The following GPD1L variants were observed in gnomAD, a reference collection of about 807,000 sequenced individuals.
The protein encoded by GPD1L is glycerol-3-phosphate dehydrogenase 1-like protein.
A neutral mutation model predicts 32.9 loss-of-function variants in GPD1L; 17 were observed. That is an observed-to-expected ratio of 0.52 (90% confidence interval 0.35 to 0.78). GPD1L has a LOEUF of 0.78. Among genes scored for constraint, GPD1L ranks in the 30% least tolerant of loss-of-function variants. GPD1L has a pLI of 0.01. For synonymous variants in GPD1L, 187 were observed against 165.9 expected (o/e 1.13, Z -0.98); for missense variants, 361 against 447.8 (o/e 0.81, Z 1.75).
At chr3:32,128,008 T>G in intron 1 of GPD1L, 68 bp from the exon 2 acceptor site, 1 of 1,115,108 alleles carries the variant, frequency 9.0e-7, no homozygotes, top group Non-Finnish European at 1.4e-6. Context: ...TTCTGAATTT[T>G]AATCAAACGC....
Position 32,159,110 on chromosome 3 carries a change from G to GTA in GPD1L, c.852+2_852+3dup. The GTA allele has an allele frequency of 6.2e-7, 1 of 1,611,062 alleles. No individual in the cohort carries two copies. Among genetic ancestry groups the GTA allele is most frequent in the Non-Finnish European group, 8.5e-7 (1 of 1,177,750 alleles). On this transcript the variant is annotated splice_donor_variant, in intron 6 of 7. Transcript: ENST00000282541. LOFTEE classifies it high-confidence loss of function. ...CGAGGCCTTCGCCAGAACTGGGAAG[G>GTA]TAGCCCCTCACCTGCTCTCCCGCAC...
At chr3:32,127,967 C>G (rs776180187) in intron 1 of GPD1L, 109 bp from the exon 2 acceptor site, 12 of 794,248 alleles carry the variant, frequency 1.5e-5, no homozygotes, top group Non-Finnish European at 2.2e-6. Context: ...TGAGTAGGCT[C>G]AGTGTTTGAA....
At chr3:32,148,240 G>T (rs1700860833) in intron 5 of GPD1L, among the ~76,000 whole-genome samples, 1 of 152,230 alleles carries the variant, frequency 6.6e-6, no homozygotes, top group Admixed American at 6.5e-5. Context: ...ACCCTGCCCA[G>T]AGCAAAGAGT....
chr3:32,131,187 T>C (rs1700582555), intron 2 of GPD1L, among the ~76,000 whole-genome samples: 1 of 152,216 alleles, frequency 6.6e-6, no homozygotes, highest in Non-Finnish European at 1.5e-5. Flanking sequence ...GACACCAGGA[T>C]TTAGATTCCA....
intron 1 of GPD1L, among the ~76,000 whole-genome samples, chr3:32,115,020 G>A (rs1222570776): frequency 6.6e-6 from 1 of 152,244 alleles, no homozygotes; most frequent in African/African-American, 2.4e-5. Flanking sequence ...AAGAGCGAAA[G>A]AACAAAGCAT....
At chr3:32,132,775 G>A (rs899575627) in intron 2 of GPD1L, among the ~76,000 whole-genome samples, 2 of 152,162 alleles carry the variant, frequency 1.3e-5, no homozygotes, top group African/African-American at 2.4e-5. Context: ...CATGCTTTGG[G>A]AACCATGGGG....
chr3:32,159,724 T>C lies in GPD1L; in HGVS notation c.959+50T>C, dbSNP rs567472303. The C allele has an allele frequency of 1.1e-5, 12 of 1,091,982 alleles. No individual in the cohort carries two copies. The South Asian group carries it at 1.5e-4, about 14-fold the overall frequency. 67.6% of individuals were successfully genotyped at this position (1,091,982 alleles called of 1,614,324 possible). A position where few individuals can be genotyped will look rare whatever the true frequency, so the allele number is the denominator to read the frequency against. Reference sequence around the variant, plus strand: ...ACCAGATAAATGTCCATCATTCCTATTCTCAGGACTTCCAGCCCCACGGAG... The same window carrying C: ...ACCAGATAAATGTCCATCATTCCTACTCTCAGGACTTCCAGCCCCACGGAG... On this transcript the variant is annotated intron_variant, in intron 7 of 7. Transcript: ENST00000282541.
At chr3:32,136,144 C>G (rs960701785) in intron 2 of GPD1L, among the ~76,000 whole-genome samples, 1 of 152,096 alleles carries the variant, frequency 6.6e-6, no homozygotes, top group Non-Finnish European at 1.5e-5. Context: ...CCTGTTTTTC[C>G]CTCTGTTCCC....
Position 32,166,378 on chromosome 3 carries a change from A to C in GPD1L, c.*468A>C. 5.2e-6 allele frequency: 1 copy of C among 191,502 alleles called. No homozygotes were observed. The highest frequency in any genetic ancestry group is 9.4e-5 in the South Asian group (1 of 10,596). The allele number at this position is 191,502 out of a possible 1,614,324, so 11.9% of individuals were successfully genotyped here. A position where few individuals can be genotyped will look rare whatever the true frequency, so the allele number is the denominator to read the frequency against. ...CAAAGATCAACATATTTAACTTTTAAACACTATCTCAAAGCCAGCATAATT... is the reference window on the plus strand; with the variant it reads ...CAAAGATCAACATATTTAACTTTTACACACTATCTCAAAGCCAGCATAATT... On this transcript the variant is annotated 3_prime_UTR_variant, in exon 8 of 8. Coordinates refer to ENST00000282541, the MANE Select transcript of GPD1L (RefSeq NM_015141.4).
intron 1 of GPD1L, among the ~76,000 whole-genome samples, chr3:32,118,072 G>A (rs1365550893): frequency 6.6e-6 from 1 of 152,112 alleles, no homozygotes; most frequent in African/African-American, 2.4e-5. Flanking sequence ...GAGACTTAGG[G>A]GGCATCTGTG....
chr3:32,158,606 A>ATCAGCCGT, intron 5 of GPD1L: 1 of 615,146 alleles, frequency 1.6e-6, no homozygotes, highest in Non-Finnish European at 2.8e-6. Flanking sequence ...AAAGACTACT[A>ATCAGCCGT]TCAGCCGTTC....
chr3:32,121,482 T>C (rs1459415129), intron 1 of GPD1L, among the ~76,000 whole-genome samples: 6 of 140,270 alleles, frequency 4.3e-5, no homozygotes, highest in Admixed American at 7.3e-5. Flanking sequence ...TCTATATATA[T>C]TTCTCTCTAT....
At position 32,143,026 on chromosome 3, in the gene GPD1L, A is replaced by ATTT. The variant is rs1459925154; in HGVS notation, c.505+2664_505+2666dup. ...GAGTTTCCAAAAAAGAAAAAAAAAAATTTTTTAATTAGCCTGGTATGGTAG... is the reference window on the plus strand; with the variant it reads ...GAGTTTCCAAAAAAGAAAAAAAAAAATTTTTTTTTAATTAGCCTGGTATGGTAG... On this transcript the variant is annotated intron_variant, in intron 4 of 7. Transcript: ENST00000282541. 4.4e-3 allele frequency among the ~76,000 whole-genome samples: 667 copies of ATTT among 151,394 alleles called. 2 individuals are homozygous for ATTT. Among genetic ancestry groups the ATTT allele is most frequent in the Middle Eastern group, 0.01 (3 of 292 alleles).
intron 7 of GPD1L, among the ~76,000 whole-genome samples, chr3:32,165,315 G>A (rs575469239): frequency 6.6e-6 from 1 of 152,106 alleles, no homozygotes; most frequent in African/African-American, 2.4e-5. Flanking sequence ...TCAAGCTTCT[G>A]ACATAAGATG....
intron 4 of GPD1L, among the ~76,000 whole-genome samples, chr3:32,145,033 C>T (rs957374419): frequency 4.7e-5 from 7 of 149,996 alleles, no homozygotes; most frequent in African/African-American, 1.2e-4. Context: ...TAATAAAATT[C>T]GCGGGCCGGG....
intron 4 of GPD1L, among the ~76,000 whole-genome samples, chr3:32,143,719 T>A (rs1034054878): frequency 3.3e-5 from 5 of 152,140 alleles, no homozygotes; most frequent in Non-Finnish European, 1.5e-5. Flanking sequence ...GGCGCACACC[T>A]GTAATCCCAG....
chr3:32,155,636 C>A (rs1700977765), intron 5 of GPD1L, among the ~76,000 whole-genome samples: 1 of 152,174 alleles, frequency 6.6e-6, no homozygotes, highest in Non-Finnish European at 1.5e-5. Flanking sequence ...AACCACTTGG[C>A]CAGCTCACCC....
At chr3:32,132,683 A>T (rs1243299599) in intron 2 of GPD1L, among the ~76,000 whole-genome samples, 6 of 151,984 alleles carry the variant, frequency 3.9e-5, no homozygotes, top group Admixed American at 3.9e-4. Flanking sequence ...ATAGTTTCTG[A>T]TTCAGTAGGT....
chr3:32,128,169 G>A lies in GPD1L; in HGVS notation c.141G>A (p.Val47=), dbSNP rs769668097. 8 of 1,611,914 alleles carry A rather than the reference G, an allele frequency of 5.0e-6. No homozygotes were observed. Among genetic ancestry groups the A allele is most frequent in the Non-Finnish European group, 5.1e-6 (6 of 1,178,124 alleles). The stretch of plus-strand genomic sequence containing the variant: ...AGATGTGGGTCTTTGAAGAAACAGT[G>A]AATGGCAGAAAACTGACAGACATCA... ...TVKMWVFEET[V]NGRKLTDIIN... The change falls in exon 2 of 8, where the codon GTG becomes GTA. Residue 47 remains valine (V), a synonymous_variant. Coordinates refer to ENST00000282541, the MANE Select transcript of GPD1L (RefSeq NM_015141.4).
Sources: gnomAD v4.1 joint callset for allele counts (sites outside exome capture counted in the v4.1 genomes callset) on GRCh38, gnomAD v4.1.1 for gene constraint, MANE v1.5 for transcripts, NCBI Gene and HGNC (gene_info 2026-07-23, HGNC 2026-07-21) for gene names.